Variants in EXT1 observed in about 807,000 individuals in gnomAD.
EXT1 encodes exostosin-1.
In EXT1, 20 loss-of-function variants were observed where a neutral mutation model predicts 82.5. The observed-to-expected ratio is 0.24, with a 90% CI of 0.17 to 0.35. The LOEUF (loss-of-function observed/expected upper bound fraction) is 0.35. Ranked by LOEUF, EXT1 falls within the 10% of genes least tolerant of loss-of-function variation. The probability of loss-of-function intolerance (pLI) is 1.00; values close to 1 mark genes in which losing one functional copy is unlikely to be tolerated. For synonymous variants in EXT1, 348 were observed against 350.8 expected, an observed-to-expected ratio of 0.99 and a Z score of 0.09; for missense variants, 757 against 936.5, an observed-to-expected ratio of 0.81 and a Z score of 2.50.
chr8:118,041,924 G>A (rs560525035), intron 1 of EXT1, among the ~76,000 whole-genome samples: 1 of 150,804 alleles, frequency 6.6e-6, no homozygotes, highest in African/African-American at 2.4e-5. Context: ...TTCCAGCCTG[G>A]GTGACAGAGC....
In EXT1 at chr8:118,059,432, C is replaced by T. The variant is rs553095150; in HGVS notation, c.962+50653G>A. Among the ~76,000 whole-genome samples, 23 of 152,292 alleles carry T rather than the reference C, an allele frequency of 1.5e-4. No individual in the cohort carries two copies. In the South Asian group the frequency reaches 2.9e-3, roughly 19 times the overall value. The stretch of plus-strand genomic sequence containing the variant: ...TTGATGGAAACACCATGATGGACAA[C>T]GGCAGGTGCCCAATGGGGTCCAGCT... On this transcript the variant is annotated intron_variant, in intron 1 of 10. Coordinates refer to ENST00000378204, the MANE Select transcript of EXT1 (RefSeq NM_000127.3).
chr8:117,939,023 C>T (rs771108003), intron 1 of EXT1, among the ~76,000 whole-genome samples: 7 of 152,058 alleles, frequency 4.6e-5, no homozygotes, highest in Non-Finnish European at 1.0e-4. Flanking sequence ...TCTCATGCCC[C>T]CTCCTTTTAT....
intron 4 of EXT1, among the ~76,000 whole-genome samples, chr8:117,824,921 C>A (rs1586999039): frequency 6.6e-6 from 1 of 152,124 alleles, no homozygotes; most frequent in Non-Finnish European, 1.5e-5. Flanking sequence ...GGCTGGAGTG[C>A]AGTGGTGTGG....
At chr8:117,979,483 T>A (rs1371215016) in intron 1 of EXT1, among the ~76,000 whole-genome samples, 2 of 150,870 alleles carry the variant, frequency 1.3e-5, no homozygotes, top group African/African-American at 4.9e-5. Context: ...GGTGATCAAG[T>A]AGCAAAAGTT....
At chr8:117,899,708 T>C (rs570695178) in intron 1 of EXT1, among the ~76,000 whole-genome samples, 5 of 152,314 alleles carry the variant, frequency 3.3e-5, no homozygotes, top group Admixed American at 1.3e-4. Context: ...AGGCCTGTGT[T>C]TCAAGGAGTA....
chr8:117,860,884 G>A (rs556913871), intron 1 of EXT1, among the ~76,000 whole-genome samples: 1 of 152,296 alleles, frequency 6.6e-6, no homozygotes, highest in Admixed American at 6.5e-5. Flanking sequence ...CAGGTAAAGG[G>A]GCTAAAGGTC....
chr8:117,804,910 T>C lies in EXT1; in HGVS notation c.1884-17A>G. ...TGATAATATCTGTAAAAATCAAAGA[T>C]GGGTTTCACAGGGGGCCATTATCAC... On this transcript the variant is annotated splice_polypyrimidine_tract_variant and intron_variant, in intron 9 of 10. Coordinates refer to ENST00000378204, the MANE Select transcript of EXT1 (RefSeq NM_000127.3). The C allele has an allele frequency of 1.2e-6, 2 of 1,613,682 alleles. No homozygotes were observed. The highest frequency in any genetic ancestry group is 1.7e-6 in the Non-Finnish European group (2 of 1,179,684).
intron 1 of EXT1, among the ~76,000 whole-genome samples, chr8:118,083,252 A>G (rs986391549): frequency 5.9e-5 from 9 of 152,216 alleles, no homozygotes; most frequent in Middle Eastern, 3.2e-3. Flanking sequence ...CACAAAAAGC[A>G]CTTAATAAAC....
At chr8:117,864,474 G>A (rs2129872674) in intron 1 of EXT1, among the ~76,000 whole-genome samples, 1 of 152,336 alleles carries the variant, frequency 6.6e-6, no homozygotes, top group Middle Eastern at 3.4e-3. Flanking sequence ...TCGCGATCAG[G>A]AGCAGTGGCT....
At chr8:117,867,691 T>A (rs575063037) in intron 1 of EXT1, among the ~76,000 whole-genome samples, 1 of 152,354 alleles carries the variant, frequency 6.6e-6, no homozygotes, top group African/African-American at 2.4e-5. Flanking sequence ...AATACCTTTT[T>A]CTCCCTGCCC....
At chr8:117,892,980 T>A in intron 1 of EXT1, among the ~76,000 whole-genome samples, 1 of 152,246 alleles carries the variant, frequency 6.6e-6, no homozygotes, top group East Asian at 1.9e-4. Flanking sequence ...TGGTTTTGAA[T>A]GTTATTCCAA....
At chr8:117,909,953 A>C (rs1420129023) in intron 1 of EXT1, among the ~76,000 whole-genome samples, 17 of 152,064 alleles carry the variant, frequency 1.1e-4, no homozygotes, top group African/African-American at 4.1e-4. Flanking sequence ...TTTTTAGTAG[A>C]GACGGGGTTT....
At position 117,991,491 on chromosome 8, in the gene EXT1, G is replaced by A. The variant is rs186457013; in HGVS notation, c.962+118594C>T. On this transcript the variant is annotated intron_variant, in intron 1 of 10. Coordinates refer to ENST00000378204, the MANE Select transcript of EXT1 (RefSeq NM_000127.3). ...CTTAATAAAATCCCATGTATCTTTT[G>A]CTGGTTCTGAGTCTCTTCTTTGGCC... is the stretch of plus-strand genomic sequence containing the variant. 3.9e-5 allele frequency among the ~76,000 whole-genome samples: 6 copies of A among 152,180 alleles called. No homozygotes were observed. In the East Asian group the frequency reaches 1.2e-3, roughly 29 times the overall value.
chr8:117,867,458 G>A (rs193173525), intron 1 of EXT1, among the ~76,000 whole-genome samples: 3 of 152,108 alleles, frequency 2.0e-5, no homozygotes, highest in Admixed American at 2.0e-4. Flanking sequence ...CAATTAGTGT[G>A]GATTTTCAAG....
At chr8:117,847,377 T>C (rs1479309950) in intron 1 of EXT1, among the ~76,000 whole-genome samples, 3 of 152,228 alleles carry the variant, frequency 2.0e-5, no homozygotes, top group African/African-American at 7.2e-5. Context: ...TTTGTACATT[T>C]TAAAATCCCT....
intron 1 of EXT1, among the ~76,000 whole-genome samples, chr8:118,032,438 C>T (rs998355657): frequency 9.2e-5 from 14 of 151,418 alleles, no homozygotes; most frequent in African/African-American, 3.4e-4. Flanking sequence ...ATTTTCATGA[C>T]TCTCTAATAT....
intron 1 of EXT1, among the ~76,000 whole-genome samples, chr8:117,937,150 C>A (rs1586296208): frequency 6.6e-6 from 1 of 152,158 alleles, no homozygotes; most frequent in Non-Finnish European, 1.5e-5. Context: ...GCTTGTTTGG[C>A]ATATTTTCCC....
chr8:117,938,980 C>T (rs186650025), intron 1 of EXT1, among the ~76,000 whole-genome samples: 251 of 152,310 alleles, frequency 1.6e-3, no homozygotes, highest in Admixed American at 4.4e-3. Flanking sequence ...CAGGCAGTCA[C>T]GGCCATTTGC....
intron 1 of EXT1, among the ~76,000 whole-genome samples, chr8:117,856,038 C>T (rs1470957100): frequency 6.6e-6 from 1 of 152,100 alleles, no homozygotes; most frequent in African/African-American, 2.4e-5. Flanking sequence ...AAAGGCATGA[C>T]AGGTTGAAAG....
Sources: gnomAD v4.1 joint callset for allele counts (sites outside exome capture counted in the v4.1 genomes callset) on GRCh38, gnomAD v4.1.1 for gene constraint, MANE v1.5 for transcripts, NCBI Gene and HGNC (gene_info 2026-07-23, HGNC 2026-07-21) for gene names.